ATP8B1: variants seen among roughly 807,000 people sequenced by gnomAD.
The protein encoded by ATP8B1 is ATPase phospholipid transporting 8B1.
A neutral mutation model predicts 149.9 loss-of-function variants in ATP8B1; 80 were observed. That is an observed-to-expected ratio of 0.53 (90% confidence interval 0.45 to 0.64). ATP8B1 has a LOEUF of 0.64. ATP8B1 is among the 30% of genes least tolerant of loss of function. The pLI is 0.00. For missense variants in ATP8B1, 1,247 were observed against 1,552.6 expected, an observed-to-expected ratio of 0.80 and a Z score of 3.31; for synonymous variants, 536 against 562.8, an observed-to-expected ratio of 0.95 and a Z score of 0.67.
rs160993 is a variant in ATP8B1, at chr18:57,692,180, A to G, written c.1030-183T>C. Among the ~76,000 whole-genome samples the G allele has an allele frequency of 0.78, 117,880 of 152,068 alleles. 47,191 individuals carry two copies. Among genetic ancestry groups the G allele is most frequent in the Admixed American group, 0.89 (13,529 of 15,268 alleles). ...CTTTGAAAGTCTATTTGATTGCTGC[A>G]ATTGACTGATGTATCCTACATCTCC... On this transcript the variant is annotated intron_variant, in intron 11 of 27. Coordinates refer to ENST00000648908, the MANE Select transcript of ATP8B1 (RefSeq NM_001374385.1).
At chr18:57,749,065 C>T (rs2079992178) in intron 1 of ATP8B1, among the ~76,000 whole-genome samples, 5 of 152,208 alleles carry the variant, frequency 3.3e-5, no homozygotes, top group South Asian at 2.1e-4. Context: ...ATGCTTTCTG[C>T]TCCACCTCTT....
intron 1 of ATP8B1, among the ~76,000 whole-genome samples, chr18:57,789,711 C>T (rs1378436744): frequency 6.6e-6 from 1 of 152,186 alleles, no homozygotes; most frequent in Non-Finnish European, 1.5e-5. Flanking sequence ...TATCAGCCCT[C>T]CACCCTGTCA....
At position 57,695,515 on chromosome 18, in the gene ATP8B1, A is replaced by T; in HGVS notation, c.716T>A (p.Phe239Tyr). The change falls in exon 9 of 28, where the codon TTT (phenylalanine) becomes TAT (tyrosine). Residue 239 changes from phenylalanine to tyrosine, a missense_variant. Phe to Tyr is a conservative substitution (Grantham distance 22). Coordinates refer to ENST00000648908, the MANE Select transcript of ATP8B1 (RefSeq NM_001374385.1). Reference protein sequence around the residue: ...AELDGETNLKFKMSLEITDQY... With the variant: ...AELDGETNLKYKMSLEITDQY... Reference sequence around the variant, plus strand: ...GTCTGTGATTTCAAGTGACATCTTAAATTTTAAATTGGTTTCTCTAAAGGA... The same window carrying T: ...GTCTGTGATTTCAAGTGACATCTTATATTTTAAATTGGTTTCTCTAAAGGA... 6.2e-7 allele frequency: 1 copy of T among 1,611,718 alleles called. No homozygotes were observed. Among genetic ancestry groups the T allele is most frequent in the South Asian group, 1.1e-5 (1 of 91,020 alleles).
intron 15 of ATP8B1, 107 bp downstream of exon 15, chr18:57,683,929 T>C: frequency 2.9e-6 from 4 of 1,382,338 alleles, no homozygotes; most frequent in South Asian, 1.2e-5. Context: ...CATTCTAATA[T>C]GAGACAGATT....
chr18:57,734,452 C>T (rs1157419888), intron 1 of ATP8B1, among the ~76,000 whole-genome samples: 1 of 152,150 alleles, frequency 6.6e-6, no homozygotes, highest in African/African-American at 2.4e-5. Flanking sequence ...ATGCTCAACT[C>T]AGTACCTAGC....
At chr18:57,680,168 TC>T (rs1911861137) in intron 15 of ATP8B1, among the ~76,000 whole-genome samples, 1 of 149,346 alleles carries the variant, frequency 6.7e-6, no homozygotes, top group Non-Finnish European at 1.5e-5. Flanking sequence ...TCCCAGCTAC[TC>T]GGGAGGCTGA....
Position 57,704,688 on chromosome 18 carries a change from T to C in ATP8B1, c.280-20A>G. 1 of 1,453,242 alleles carries C rather than the reference T, an allele frequency of 6.9e-7. No homozygotes were observed. The highest frequency in any genetic ancestry group is 1.1e-5 in the South Asian group (1 of 87,344). The allele number at this position is 1,453,242 out of a possible 1,614,324, so 90.0% of individuals were successfully genotyped here. On this transcript the variant is annotated intron_variant, in intron 3 of 27. Coordinates refer to ENST00000648908, the MANE Select transcript of ATP8B1 (RefSeq NM_001374385.1). ...ATTATTCTGTTGGAAAAAATAAGAG[T>C]CATTCTAAATGATGCTGTATTTATC...
Position 57,673,338 on chromosome 18 carries a change from G to A in ATP8B1, c.1819+1496C>T, listed in dbSNP as rs917073575. ...GAAAAACAAAGAATGAACCTCCCTGGTAAAATCTGATAAAGTCTATTGATT... is the reference window on the plus strand; with the variant it reads ...GAAAAACAAAGAATGAACCTCCCTGATAAAATCTGATAAAGTCTATTGATT... On this transcript the variant is annotated intron_variant, in intron 16 of 27. Transcript: ENST00000648908. 3.4e-4 allele frequency among the ~76,000 whole-genome samples: 51 copies of A among 151,782 alleles called. 1 individual carries two copies. The highest frequency in any genetic ancestry group is 1.2e-3 in the African/African-American group (50 of 41,362).
chr18:57,695,462 C>A lies in ATP8B1; in HGVS notation c.769G>T (p.Ala257Ser). The A allele has an allele frequency of 6.2e-7, 1 of 1,612,004 alleles. No individual in the cohort carries two copies. Among genetic ancestry groups the A allele is most frequent in the Non-Finnish European group, 8.5e-7 (1 of 1,178,208 alleles). ...DQYLQREDTL[A>S]TFDGFIECEE... ...GTTTGGTACAAACCATCAAATGTAG[C>A]CAATGTATCTTCTCTTTGGAGGTAC... is the stretch of plus-strand genomic sequence containing the variant. Residue 257 changes from alanine (A) to serine (S), a missense_variant, in exon 9 of 28, where the codon GCT becomes TCT. Ala to Ser is a moderately conservative substitution (Grantham distance 99). This residue lies in a region of ATP8B1 where 853 missense variants were observed against 1,035.7 expected (regional missense o/e 0.82). Coordinates refer to ENST00000648908, the MANE Select transcript of ATP8B1 (RefSeq NM_001374385.1).
Position 57,759,825 on chromosome 18 carries a change from GAA to G in ATP8B1, c.-25-27995_-25-27994del, listed in dbSNP as rs113979064. On this transcript the variant is annotated intron_variant, in intron 1 of 27. Coordinates refer to ENST00000648908, the MANE Select transcript of ATP8B1 (RefSeq NM_001374385.1). ...CAGAGCGAGACTCCGTCTCGGGAAA[GAA>G]AAAAAAAAAAAAAGGTATTTGGATG... 6.0e-3 allele frequency among the ~76,000 whole-genome samples: 773 copies of G among 128,416 alleles called. 5 individuals carry two copies. Among genetic ancestry groups the G allele is most frequent in the African/African-American group, 0.022 (703 of 32,446 alleles). The allele number at this position is 128,416 out of a possible 152,430, so 84.2% of individuals were successfully genotyped here.
At position 57,701,044 on chromosome 18, in the gene ATP8B1, A is replaced by G. The variant is rs201160977; in HGVS notation, c.549T>C (p.Asp183=). 15 of 1,613,946 alleles carry G rather than the reference A, an allele frequency of 9.3e-6. No homozygotes were observed. In the East Asian group the frequency reaches 2.0e-4, roughly 22 times the overall value. ...TTACTAATTAGACACAGTACCTGCC[A>G]TCCTTAATGACTTCACACGTCCTAT... is the stretch of plus-strand genomic sequence containing the variant. ...INNRTCEVIK[D]GRFKVAKWKE... Residue 183 remains aspartate, a synonymous_variant, in exon 6 of 28, where the codon GAT becomes GAC. Coordinates refer to ENST00000648908, the MANE Select transcript of ATP8B1 (RefSeq NM_001374385.1).
chr18:57,669,658 T>G (rs1911111067), intron 17 of ATP8B1, among the ~76,000 whole-genome samples, 176 bp from the exon 18 acceptor site: 1 of 151,960 alleles, frequency 6.6e-6, no homozygotes, highest in African/African-American at 2.4e-5. Flanking sequence ...ATGTCACTTT[T>G]TTTTTTTTTG....
At chr18:57,696,761 C>G (rs890756829) in intron 8 of ATP8B1, among the ~76,000 whole-genome samples, 1 of 152,050 alleles carries the variant, frequency 6.6e-6, no homozygotes, top group African/African-American at 2.4e-5. Context: ...CCTGGGCCTC[C>G]GATTCCTCAT....
At chr18:57,676,327 A>C (rs62094228) in intron 15 of ATP8B1, among the ~76,000 whole-genome samples, 13,971 of 151,770 alleles carry the variant, frequency 0.092, 708 homozygotes, top group Middle Eastern at 0.14. Context: ...ACGCCCAGCT[A>C]ATGTTTGTAT....
Position 57,646,859 on chromosome 18 carries a change from A to G in ATP8B1, c.*1629T>C, listed in dbSNP as rs367994135. 2.0e-5 allele frequency: 3 copies of G among 152,646 alleles called. No individual in the cohort carries two copies. Among genetic ancestry groups the G allele is most frequent in the Admixed American group, 6.5e-5 (1 of 15,278 alleles). The allele number at this position is 152,646 out of a possible 1,614,324, so 9.5% of individuals were successfully genotyped here. A position where few individuals can be genotyped will look rare whatever the true frequency, so the allele number is the denominator to read the frequency against. ...TGATATTGTGAACATTCACAGCCCA[A>G]TGGTAAAAAACAGAATTCTCGAACT... is the stretch of plus-strand genomic sequence containing the variant. On this transcript the variant is annotated 3_prime_UTR_variant, in exon 28 of 28. Coordinates refer to ENST00000648908, the MANE Select transcript of ATP8B1 (RefSeq NM_001374385.1).
chr18:57,695,429 T>C (rs201486974), intron 9 of ATP8B1, 21 bp downstream of exon 9: 1 of 1,605,004 alleles, frequency 6.2e-7, no homozygotes, highest in African/African-American at 1.3e-5. Flanking sequence ...TAAAGCAAAG[T>C]AAGACATGTT....
chr18:57,779,790 C>T (rs989175965), intron 1 of ATP8B1, among the ~76,000 whole-genome samples: 1 of 151,024 alleles, frequency 6.6e-6, no homozygotes, highest in African/African-American at 2.4e-5. Context: ...ATCCCAGTGA[C>T]TTGGGAGGCT....
chr18:57,720,151 C>T (rs1276359755), intron 2 of ATP8B1, among the ~76,000 whole-genome samples: 1 of 150,276 alleles, frequency 6.7e-6, no homozygotes, highest in Non-Finnish European at 1.5e-5. Flanking sequence ...GGGGAAAAAA[C>T]AGAACAGAAA....
chr18:57,652,153 T>C lies in ATP8B1; in HGVS notation c.3281A>G (p.Tyr1094Cys). The C allele has an allele frequency of 1.2e-6, 2 of 1,613,348 alleles. No individual in the cohort carries two copies. The highest frequency in any genetic ancestry group is 2.2e-5 in the South Asian group (2 of 91,054). ...VNFQIGLDTS[Y>C]WTFVNAFSIF... is the part of the protein sequence containing the mutation. ...TGAAAAAGCATTCACAAAAGTCCAA[T>C]AAGAAGTATCCAAGCCAATCTGTTG... The change falls in exon 26 of 28, where the codon TAT (tyrosine) becomes TGT (cysteine). Residue 1094 changes from tyrosine (Y) to cysteine (C), a missense_variant. Transcript: ENST00000648908.
Sources: gnomAD v4.1 joint callset for allele counts (sites outside exome capture counted in the v4.1 genomes callset) on GRCh38, gnomAD v4.1.1 for gene constraint, gnomAD v4.1.1 regional missense constraint, MANE v1.5 for transcripts, NCBI Gene and HGNC (gene_info 2026-07-23, HGNC 2026-07-21) for gene names.